Variants in RABGAP1 observed in about 807,000 individuals in gnomAD.
The protein encoded by RABGAP1 is RAB GTPase activating protein 1.
Under a neutral mutation model 137.6 loss-of-function variants are expected in RABGAP1, and 23 were observed. The ratio of observed to expected loss-of-function variants is 0.17; its 90% confidence interval spans 0.12 to 0.24. The LOEUF is 0.24. Ranked by LOEUF, RABGAP1 falls within the 10% of genes least tolerant of loss-of-function variation. The pLI is 1.00. For missense variants in RABGAP1, 906 were observed against 1,275.8 expected (o/e 0.71, Z 4.42); for synonymous variants, 451 against 450.7 (o/e 1.00, Z -0.01).
intron 1 of RABGAP1, chr9:122,945,402 C>T (rs1020218352): frequency 6.6e-6 from 1 of 152,026 alleles, no homozygotes; most frequent in African/African-American, 2.4e-5. Flanking sequence ...AAGTTTCCCT[C>T]CTCTTTCCAA....
intron 2 of RABGAP1, among the ~76,000 whole-genome samples, chr9:122,962,520 TAAA>T (rs199690166): frequency 6.7e-6 from 1 of 149,022 alleles, no homozygotes; most frequent in Non-Finnish European, 1.5e-5. Context: ...GACTCTCTCT[TAAA>T]AAAAAAAATA....
Position 123,070,105 on chromosome 9 carries a change from A to G in RABGAP1, c.1909-245A>G, listed in dbSNP as rs1400198746. Among the ~76,000 whole-genome samples, 1 of 152,180 alleles carries G rather than the reference A, an allele frequency of 6.6e-6. No homozygotes were observed. Among genetic ancestry groups the G allele is most frequent in the Non-Finnish European group, 1.5e-5 (1 of 68,020 alleles). On this transcript the variant is annotated intron_variant, in intron 14 of 25. Coordinates refer to ENST00000373647, the MANE Select transcript of RABGAP1 (RefSeq NM_012197.4). This position sits in a 1 kb window ranked among gnomAD's most constrained non-coding sequence, Gnocchi z 4.4. ...GGAAATACGAAGTTTTTTTTAGCGC[A>G]GAAGTGGTTTTTCCTTAATCTTCCC...
chr9:123,012,437 T>C (rs1181238771), intron 11 of RABGAP1, among the ~76,000 whole-genome samples: 1 of 152,246 alleles, frequency 6.6e-6, no homozygotes, highest in East Asian at 1.9e-4. Flanking sequence ...TGCTCAAATC[T>C]TCATACCATA....
chr9:123,040,641 A>G (rs1038037150), intron 13 of RABGAP1, among the ~76,000 whole-genome samples: 12 of 152,088 alleles, frequency 7.9e-5, no homozygotes, highest in African/African-American at 2.9e-4. Context: ...CCTATCTTTT[A>G]TCATAAAACA....
intron 4 of RABGAP1, among the ~76,000 whole-genome samples, chr9:122,988,128 A>G (rs574964589): frequency 1.6e-4 from 25 of 152,348 alleles, no homozygotes; most frequent in African/African-American, 6.0e-4. Flanking sequence ...TTCTTAGTCA[A>G]TACTCATTCC....
At chr9:123,045,400 A>G (rs2033159513) in intron 13 of RABGAP1, among the ~76,000 whole-genome samples, 1 of 152,152 alleles carries the variant, frequency 6.6e-6, no homozygotes, top group African/African-American at 2.4e-5. Flanking sequence ...TTTCATTTAT[A>G]AAAGTTCCCC....
intron 25 of RABGAP1, 94 bp downstream of exon 25, chr9:123,101,857 T>C (rs1039969311): frequency 1.4e-5 from 18 of 1,309,996 alleles, no homozygotes; most frequent in Non-Finnish European, 1.8e-5. Flanking sequence ...TTGGGGTTTT[T>C]CCACACCTTT....
chr9:123,039,154 C>A (rs1352705654), intron 13 of RABGAP1, among the ~76,000 whole-genome samples: 2 of 152,184 alleles, frequency 1.3e-5, no homozygotes, highest in African/African-American at 4.8e-5. Flanking sequence ...TGTTCCCCCA[C>A]ACTTTGATCT....
upstream of RABGAP1, chr9:122,939,143 A>C (rs1354985018): frequency 6.6e-6 from 1 of 152,218 alleles, no homozygotes; most frequent in East Asian, 1.9e-4. Context: ...TGTAAAAATA[A>C]CTTTAGATGG....
intron 13 of RABGAP1, among the ~76,000 whole-genome samples, chr9:123,044,905 C>G (rs2033139030): frequency 6.6e-6 from 1 of 151,914 alleles, no homozygotes; most frequent in Non-Finnish European, 1.5e-5. Flanking sequence ...TCCAGCTGGA[C>G]AGAATTAAAG....
chr9:122,966,722 G>A (rs968302326), intron 2 of RABGAP1, among the ~76,000 whole-genome samples: 2 of 152,068 alleles, frequency 1.3e-5, no homozygotes, highest in Non-Finnish European at 2.9e-5. Flanking sequence ...GTATTACTTC[G>A]TTTTCACACT....
chr9:122,946,528 C>A (rs866409623), intron 1 of RABGAP1, among the ~76,000 whole-genome samples: 9 of 152,068 alleles, frequency 5.9e-5, no homozygotes, highest in African/African-American at 2.2e-4. Context: ...GAAATCTGAA[C>A]AGTTTTTAAA....
chr9:123,027,558 A>G (rs369854266), intron 13 of RABGAP1, among the ~76,000 whole-genome samples: 41 of 152,382 alleles, frequency 2.7e-4, no homozygotes, highest in Admixed American at 9.1e-4. Flanking sequence ...TCTGTCTGGT[A>G]GGTTTGTATT....
intron 2 of RABGAP1, among the ~76,000 whole-genome samples, chr9:122,977,753 G>A (rs1330706486): frequency 1.3e-5 from 2 of 151,982 alleles, no homozygotes; most frequent in Non-Finnish European, 2.9e-5. Flanking sequence ...CTTAAGTTTT[G>A]GACAGAATAA....
In RABGAP1 at chr9:122,986,175, A is replaced by T. The variant is rs752350212; in HGVS notation, c.386-40A>T. 4.4e-5 allele frequency: 69 copies of T among 1,566,734 alleles called. 1 individual carries two copies. In the South Asian group the frequency reaches 6.5e-4, roughly 15 times the overall value. ...TGCTAATCGTATCAACAAAATATCA[A>T]AGTGAAAGTAATCACTTCCTTATTC... On this transcript the variant is annotated intron_variant, in intron 3 of 25. Transcript: ENST00000373647.
intron 19 of RABGAP1, among the ~76,000 whole-genome samples, chr9:123,088,258 C>G (rs2034929306): frequency 6.6e-6 from 1 of 151,996 alleles, no homozygotes; most frequent in Non-Finnish European, 1.5e-5. Context: ...CTGTGTTGCC[C>G]AGGCTGGTTT....
chr9:122,984,780 A>T, intron 3 of RABGAP1, 61 bp downstream of exon 3: 1 of 1,441,258 alleles, frequency 6.9e-7, no homozygotes, highest in Non-Finnish European at 9.6e-7. Flanking sequence ...GTGAGTGTCC[A>T]CCCTGTACTA....
At chr9:122,942,392 A>C (rs1257003701) in intron 1 of RABGAP1, among the ~76,000 whole-genome samples, 2 of 152,190 alleles carry the variant, frequency 1.3e-5, no homozygotes, top group Non-Finnish European at 2.9e-5. Flanking sequence ...AACTGAAAAT[A>C]GGGGCCGGGT....
intron 13 of RABGAP1, among the ~76,000 whole-genome samples, chr9:123,030,001 C>CTTTTCTTTTTCT (rs2032207650): frequency 6.6e-6 from 1 of 152,158 alleles, no homozygotes; most frequent in African/African-American, 2.4e-5. Flanking sequence ...TCTCGTTCTG[C>CTTTTCTTTTTCT]TTTTCTTTTT....
Sources: allele counts gnomAD v4.1 joint callset (sites outside exome capture counted in the v4.1 genomes callset), GRCh38; gene constraint gnomAD v4.1.1; non-coding constraint Gnocchi (gnomAD v3.1); transcripts MANE v1.5; gene names NCBI Gene and HGNC (gene_info 2026-07-23, HGNC 2026-07-21).